Variants in MFHAS1 observed in about 807,000 individuals in gnomAD.
The protein encoded by MFHAS1 is multifunctional ROCO family signaling regulator 1, also known as malignant fibrous histiocytoma-amplified sequence 1.
In MFHAS1, 50 loss-of-function variants were observed where a neutral mutation model predicts 70.4. The observed-to-expected ratio is 0.71, with a 90% CI of 0.57 to 0.90. The LOEUF (loss-of-function observed/expected upper bound fraction) is 0.90, where lower values mean the gene tolerates loss of function less well. MFHAS1 is among the 40% of genes least tolerant of loss of function. MFHAS1 has a pLI of 0.00. For missense variants in MFHAS1, 1,795 were observed against 1,347.6 expected, an observed-to-expected ratio of 1.33 and a Z score of -5.20; for synonymous variants, 952 against 620.0, an observed-to-expected ratio of 1.54 and a Z score of -7.96.
Position 8,844,418 on chromosome 8 carries a change from C to T in MFHAS1, c.2998+45643G>A, listed in dbSNP as rs116412757. On this transcript the variant is annotated intron_variant, in intron 1 of 2. Transcript: ENST00000276282. ...AAAACATGACTCTATTCACACTTAG[C>T]CAGTCTTGTTTACCAAAATACAAAT... 3.5e-3 allele frequency among the ~76,000 whole-genome samples: 531 copies of T among 152,306 alleles called. 2 individuals are homozygous for T. Among genetic ancestry groups the T allele is most frequent in the African/African-American group, 0.012 (505 of 41,552 alleles).
intron 1 of MFHAS1, among the ~76,000 whole-genome samples, chr8:8,802,353 G>A (rs935996351): frequency 2.6e-5 from 4 of 152,160 alleles, no homozygotes; most frequent in Non-Finnish European, 5.9e-5. Flanking sequence ...ACACATACAC[G>A]AAACATACTG....
At chr8:8,867,522 C>T (rs963354331) in intron 1 of MFHAS1, among the ~76,000 whole-genome samples, 1 of 151,910 alleles carries the variant, frequency 6.6e-6, no homozygotes, top group Admixed American at 6.6e-5. Context: ...TTATTACACG[C>T]CAATAAGCTA....
chr8:8,858,735 G>C (rs1051696976), intron 1 of MFHAS1, among the ~76,000 whole-genome samples: 1 of 152,094 alleles, frequency 6.6e-6, no homozygotes, highest in South Asian at 2.1e-4. Context: ...CTGCATATGA[G>C]ATGAGCCAGC....
chr8:8,823,840 G>A (rs1186526652), intron 1 of MFHAS1, among the ~76,000 whole-genome samples: 1 of 139,940 alleles, frequency 7.1e-6, no homozygotes, highest in African/African-American at 2.6e-5. Flanking sequence ...GCCTCTCAGA[G>A]ATGTGCCTGT....
At chr8:8,828,071 CT>C (rs970330911) in intron 1 of MFHAS1, among the ~76,000 whole-genome samples, 2 of 152,140 alleles carry the variant, frequency 1.3e-5, no homozygotes, top group Non-Finnish European at 2.9e-5. Context: ...TTTTCCCAAT[CT>C]GGAGGCACAG....
At chr8:8,848,913 T>C (rs1466227252) in intron 1 of MFHAS1, among the ~76,000 whole-genome samples, 1 of 152,188 alleles carries the variant, frequency 6.6e-6, no homozygotes, top group African/African-American at 2.4e-5. Flanking sequence ...CTTCTGAAGG[T>C]AGGAAGAGGG....
chr8:8,785,864 CTCTT>C lies in MFHAS1; in HGVS notation c.*154_*157del. The C allele has an allele frequency of 4.2e-6, 2 of 475,530 alleles. No individual in the cohort carries two copies. The highest frequency in any genetic ancestry group is 8.1e-6 in the Non-Finnish European group (2 of 247,876). The allele number at this position is 475,530 out of a possible 1,614,324, so 29.5% of individuals were successfully genotyped here. On this transcript the variant is annotated 3_prime_UTR_variant, in exon 3 of 3. Transcript: ENST00000276282. ...CTTCCCCCCACCACCCCCTCCCCAC[CTCTT>C]CCCCAGTCGTCCAAAAAGCACCCTG...
intron 1 of MFHAS1, among the ~76,000 whole-genome samples, chr8:8,849,560 T>C (rs1327989836): frequency 6.6e-6 from 1 of 152,184 alleles, no homozygotes; most frequent in African/African-American, 2.4e-5. Flanking sequence ...CAGTTGCAAA[T>C]TAGACCTTCA....
chr8:8,818,235 G>A (rs1806820302), intron 1 of MFHAS1, among the ~76,000 whole-genome samples: 1 of 152,122 alleles, frequency 6.6e-6, no homozygotes. Flanking sequence ...CTTTGTGGTT[G>A]AAGACAATCC....
intron 1 of MFHAS1, chr8:8,860,064 G>T (rs1301853394): frequency 6.6e-6 from 1 of 152,116 alleles, no homozygotes; most frequent in East Asian, 1.9e-4. Flanking sequence ...TTGTCCCACA[G>T]TGCCACAAAA....
chr8:8,874,483 A>G (rs1312009720), intron 1 of MFHAS1, among the ~76,000 whole-genome samples: 1 of 152,186 alleles, frequency 6.6e-6, no homozygotes, highest in Non-Finnish European at 1.5e-5. Flanking sequence ...GCATGATCTC[A>G]TTCCTGTTAA....
At chr8:8,858,966 G>C (rs947346618) in intron 1 of MFHAS1, among the ~76,000 whole-genome samples, 5 of 152,156 alleles carry the variant, frequency 3.3e-5, no homozygotes, top group Non-Finnish European at 7.3e-5. Flanking sequence ...CACAATACCA[G>C]CTCCAGCGGA....
chr8:8,838,664 T>G (rs1469126880), intron 1 of MFHAS1, among the ~76,000 whole-genome samples: 2 of 151,944 alleles, frequency 1.3e-5, no homozygotes, highest in East Asian at 1.9e-4. Flanking sequence ...AATACAAAAA[T>G]TAGCTGGGCA....
intron 1 of MFHAS1, among the ~76,000 whole-genome samples, chr8:8,810,028 C>A (rs1459316557): frequency 1.3e-5 from 2 of 152,186 alleles, no homozygotes; most frequent in Non-Finnish European, 2.9e-5. Context: ...CAAAATCTAC[C>A]TGACTTTGAA....
intron 1 of MFHAS1, among the ~76,000 whole-genome samples, chr8:8,863,337 C>T (rs369753239): frequency 6.6e-6 from 1 of 152,150 alleles, no homozygotes; most frequent in Non-Finnish European, 1.5e-5. Context: ...TATCACAGGA[C>T]CTCAAACTGA....
intron 2 of MFHAS1, among the ~76,000 whole-genome samples, chr8:8,791,541 A>G (rs1229739415): frequency 1.3e-5 from 2 of 152,168 alleles, no homozygotes; most frequent in African/African-American, 2.4e-5. Flanking sequence ...ATTCTGCAGG[A>G]ACCCTAGAAA....
chr8:8,846,845 T>G (rs1246644540), intron 1 of MFHAS1, among the ~76,000 whole-genome samples: 1 of 152,138 alleles, frequency 6.6e-6, no homozygotes, highest in Non-Finnish European at 1.5e-5. Flanking sequence ...CATCATTCTG[T>G]CTCTCATCAC....
At chr8:8,812,195 C>A (rs1806574798) in intron 1 of MFHAS1, among the ~76,000 whole-genome samples, 1 of 152,086 alleles carries the variant, frequency 6.6e-6, no homozygotes, top group Non-Finnish European at 1.5e-5. Context: ...AAAATGTCCT[C>A]TTCTGAATCG....
intron 1 of MFHAS1, among the ~76,000 whole-genome samples, chr8:8,798,049 T>A (rs1336767715): frequency 6.6e-6 from 1 of 152,236 alleles, no homozygotes; most frequent in Non-Finnish European, 1.5e-5. Flanking sequence ...GTGAAGCAGA[T>A]GCACGACACA....
Sources: allele counts gnomAD v4.1 joint callset (sites outside exome capture counted in the v4.1 genomes callset), GRCh38; gene constraint gnomAD v4.1.1; transcripts MANE v1.5; gene names NCBI Gene and HGNC (gene_info 2026-07-23, HGNC 2026-07-21).